Variants in IKZF1 observed in about 807,000 individuals in gnomAD.
IKZF1 encodes IKAROS family zinc finger 1.
IKZF1 carries 10 observed loss-of-function variants against 51.7 expected under a neutral mutation model. The ratio of observed to expected loss-of-function variants is 0.19; its 90% CI spans 0.12 to 0.33. The LOEUF (loss-of-function observed/expected upper bound fraction) is 0.33, where lower values mean the gene tolerates loss of function less well. IKZF1 is among the 10% of genes least tolerant of loss of function. The pLI is 1.00. For missense variants in IKZF1, 484 were observed against 707.5 expected (o/e 0.68, Z 3.58); for synonymous variants, 280 against 282.3 (o/e 0.99, Z 0.08).
At chr7:50,327,809 A>G in intron 3 of IKZF1, 52 bp downstream of exon 3, 1 of 1,521,990 alleles carries the variant, frequency 6.6e-7, no homozygotes, top group Non-Finnish European at 8.8e-7. Context: ...ATCTCTTTGT[A>G]TTTTTCCAAG....
At chr7:50,329,072 C>CAAAAAAAAAAAAA (rs754431183) in intron 3 of IKZF1, 1 of 91,726 alleles carries the variant, frequency 1.1e-5, no homozygotes, top group Non-Finnish European at 2.1e-5. Context: ...GACTCCATCT[C>CAAAAAAAAAAAAA]AAAAAAAAAA....
At chr7:50,321,453 GCTGA>G (rs1360889840) in intron 2 of IKZF1, among the ~76,000 whole-genome samples, 1 of 152,214 alleles carries the variant, frequency 6.6e-6, no homozygotes, top group Non-Finnish European at 1.5e-5. Flanking sequence ...CACTGGGTTT[GCTGA>G]CTGTGACTAG....
chr7:50,362,846 A>T (rs1267551878), intron 3 of IKZF1, among the ~76,000 whole-genome samples: 2 of 152,132 alleles, frequency 1.3e-5, no homozygotes, highest in Non-Finnish European at 2.9e-5. Flanking sequence ...GGGGTGCCTG[A>T]AAGCAAGGTC....
chr7:50,400,841 G>C lies in IKZF1; in HGVS notation c.*214G>C. On this transcript the variant is annotated 3_prime_UTR_variant, in exon 8 of 8. Transcript: ENST00000331340. This position sits in a 1 kb window ranked among gnomAD's most constrained non-coding sequence, Gnocchi z 5.4. ...TATTTTTAGAGGCAGGGCTGCATTGGGAGCATCCAGAACTGCTACCTTCCT... is the reference window on the plus strand; with the variant it reads ...TATTTTTAGAGGCAGGGCTGCATTGCGAGCATCCAGAACTGCTACCTTCCT... 1.6e-6 allele frequency: 1 copy of C among 635,668 alleles called. No individual in the cohort carries two copies. The highest frequency in any genetic ancestry group is 2.6e-6 in the Non-Finnish European group (1 of 378,080). 39.4% of individuals were successfully genotyped at this position (635,668 alleles called of 1,614,324 possible). A position where few individuals can be genotyped will look rare whatever the true frequency, so the allele number is the denominator to read the frequency against.
At chr7:50,305,069 A>G (rs1788455211) in intron 1 of IKZF1, 147 bp downstream of exon 1, 1 of 152,238 alleles carries the variant, frequency 6.6e-6, no homozygotes, top group Non-Finnish European at 1.5e-5. Context: ...ACAGTGAGAG[A>G]GTTCACTTCT....
chr7:50,319,305 ATTAGTTTTAC>A (rs1254802712), intron 2 of IKZF1, among the ~76,000 whole-genome samples: 2 of 152,176 alleles, frequency 1.3e-5, no homozygotes, highest in African/African-American at 4.8e-5. Context: ...CCAAGATGAA[ATTAGTTTTAC>A]TGTTAAACTT....
rs749473924 is a variant in IKZF1, at chr7:50,387,476, C to A, written c.715+6C>A. On this transcript the variant is annotated splice_donor_region_variant and intron_variant, in intron 6 of 7. Coordinates refer to ENST00000331340, the MANE Select transcript of IKZF1 (RefSeq NM_006060.6). ...TCCGGGCACACTGTACCCAGGTAAG[C>A]GCTGCTGCTCGGAGGCCAGCCTGGT... is the stretch of plus-strand genomic sequence containing the variant. 1 of 1,604,764 alleles carries A rather than the reference C, an allele frequency of 6.2e-7. No homozygotes were observed. Among genetic ancestry groups the A allele is most frequent in the Non-Finnish European group, 8.5e-7 (1 of 1,176,192 alleles).
chr7:50,310,068 A>G (rs924854625), intron 1 of IKZF1, among the ~76,000 whole-genome samples: 1 of 152,216 alleles, frequency 6.6e-6, no homozygotes, highest in Non-Finnish European at 1.5e-5. Flanking sequence ...ATATTGATAA[A>G]TCGTATATTC....
intron 4 of IKZF1, among the ~76,000 whole-genome samples, chr7:50,381,934 G>A (rs1811957733): frequency 6.6e-6 from 1 of 152,112 alleles, no homozygotes. Flanking sequence ...CTCTCTGTCT[G>A]TCTCTCTCCT....
At chr7:50,330,966 G>T (rs1796332409) in intron 3 of IKZF1, among the ~76,000 whole-genome samples, 1 of 152,148 alleles carries the variant, frequency 6.6e-6, no homozygotes, top group Admixed American at 6.5e-5. Flanking sequence ...TGGAGCTTCT[G>T]GCAAGGCTTT....
chr7:50,404,398 T>C lies in IKZF1; in HGVS notation c.*3771T>C, dbSNP rs542871065. On this transcript the variant is annotated 3_prime_UTR_variant, in exon 8 of 8. Transcript: ENST00000331340. ...CCTTTTGTACACATTTTGAAATGCT[T>C]CTTCTGTAGTGATAGAACAAATAAA... is the stretch of plus-strand genomic sequence containing the variant. 1 of 227,868 alleles carries C rather than the reference T, an allele frequency of 4.4e-6. No homozygotes were observed. Among genetic ancestry groups the C allele is most frequent in the East Asian group, 6.3e-5 (1 of 15,974 alleles). 14.1% of individuals were successfully genotyped at this position (227,868 alleles called of 1,614,324 possible).
At position 50,342,172 on chromosome 7, in the gene IKZF1, C is replaced by G. The variant is rs1227617658; in HGVS notation, c.160+14415C>G. The stretch of plus-strand genomic sequence containing the variant: ...CATTTGATGTAAAGAAAATCTAGGT[C>G]CAGTCCAATTTTAACATCAATTGGG... On this transcript the variant is annotated intron_variant, in intron 3 of 7. Coordinates refer to ENST00000331340, the MANE Select transcript of IKZF1 (RefSeq NM_006060.6). 3.3e-5 allele frequency among the ~76,000 whole-genome samples: 5 copies of G among 152,288 alleles called. No homozygotes were observed. The East Asian group carries it at 9.6e-4, about 29-fold the overall frequency.
Position 50,401,587 on chromosome 7 carries a change from C to G in IKZF1, c.*960C>G, listed in dbSNP as rs957432928. ...AAGCTTTATTTCAAATCTCTTCCTTCCCTGGCTGGTTCCATCTAGTACCAG... is the reference window on the plus strand; with the variant it reads ...AAGCTTTATTTCAAATCTCTTCCTTGCCTGGCTGGTTCCATCTAGTACCAG... On this transcript the variant is annotated 3_prime_UTR_variant, in exon 8 of 8. Transcript: ENST00000331340. 4 of 221,506 alleles carry G rather than the reference C, an allele frequency of 1.8e-5. No individual in the cohort carries two copies. The highest frequency in any genetic ancestry group is 8.9e-5 in the African/African-American group (4 of 44,728). 13.7% of individuals were successfully genotyped at this position (221,506 alleles called of 1,614,324 possible). A position where few individuals can be genotyped will look rare whatever the true frequency, so the allele number is the denominator to read the frequency against.
chr7:50,399,613 T>G (rs916130167), intron 7 of IKZF1, among the ~76,000 whole-genome samples: 1 of 152,220 alleles, frequency 6.6e-6, no homozygotes, highest in African/African-American at 2.4e-5. Flanking sequence ...TAAACTAATC[T>G]TTGGTTCCCC....
chr7:50,326,014 G>C (rs1292228449), intron 2 of IKZF1, among the ~76,000 whole-genome samples: 1 of 152,184 alleles, frequency 6.6e-6, no homozygotes. Flanking sequence ...AGCTAAGCTG[G>C]AATATTAAAT....
intron 3 of IKZF1, among the ~76,000 whole-genome samples, chr7:50,363,285 T>G (rs1392514161): frequency 6.6e-6 from 1 of 151,996 alleles, no homozygotes; most frequent in African/African-American, 2.4e-5. Flanking sequence ...CTGCAAACTT[T>G]TGTGTGCCTG....
chr7:50,360,240 T>C (rs1357419227), intron 3 of IKZF1, among the ~76,000 whole-genome samples: 2 of 152,004 alleles, frequency 1.3e-5, no homozygotes, highest in African/African-American at 4.8e-5. Flanking sequence ...CCTGGGCTTC[T>C]GGAATCTTTG....
At chr7:50,389,185 A>G (rs1272718270) in intron 6 of IKZF1, among the ~76,000 whole-genome samples, 1 of 152,236 alleles carries the variant, frequency 6.6e-6, no homozygotes, top group Non-Finnish European at 1.5e-5. Flanking sequence ...AATGCGACTG[A>G]TAATTCGTGC....
At chr7:50,327,823 G>T (rs1795458772) in intron 3 of IKZF1, 66 bp downstream of exon 3, 1 of 1,471,102 alleles carries the variant, frequency 6.8e-7, no homozygotes, top group Non-Finnish European at 9.1e-7. Flanking sequence ...TTCCAAGACA[G>T]TGATGAAGGG....
Sources: gnomAD v4.1 joint callset for allele counts (sites outside exome capture counted in the v4.1 genomes callset) on GRCh38, gnomAD v4.1.1 for gene constraint, Gnocchi (gnomAD v3.1) non-coding constraint, MANE v1.5 for transcripts, NCBI Gene and HGNC (gene_info 2026-07-23, HGNC 2026-07-21) for gene names.